CDH12: variants seen among roughly 807,000 people sequenced by gnomAD.
CDH12 encodes cadherin 12.
In CDH12, 41 loss-of-function variants were observed where a neutral mutation model predicts 74.1. The observed-to-expected ratio is 0.55, with a 90% CI of 0.43 to 0.72. The LOEUF is 0.72. Ranked by LOEUF, CDH12 falls within the 30% of genes least tolerant of loss-of-function variation. The pLI, the probability that CDH12 is intolerant of heterozygous loss-of-function variation, is 0.00. For synonymous variants in CDH12, 399 were observed against 355.0 expected, an observed-to-expected ratio of 1.12 and a Z score of -1.39; for missense variants, 945 against 977.2, an observed-to-expected ratio of 0.97 and a Z score of 0.44.
At chr5:21,964,121 C>T (rs1039649261) in intron 6 of CDH12, among the ~76,000 whole-genome samples, 1 of 151,908 alleles carries the variant, frequency 6.6e-6, no homozygotes, top group African/African-American at 2.4e-5. Flanking sequence ...TATTTAAATG[C>T]CCTTCTTAGG....
At chr5:22,168,620 G>A (rs143003082) in intron 4 of CDH12, among the ~76,000 whole-genome samples, 68 of 152,016 alleles carry the variant, frequency 4.5e-4, no homozygotes, top group African/African-American at 1.5e-3. Context: ...AGCACAATTC[G>A]GATTTTGTTT....
chr5:22,154,619 CAT>C (rs981748370), intron 4 of CDH12, among the ~76,000 whole-genome samples: 35 of 149,334 alleles, frequency 2.3e-4, no homozygotes, highest in Admixed American at 1.1e-3. Context: ...TATATGTACA[CAT>C]ATATATACAC....
intron 4 of CDH12, among the ~76,000 whole-genome samples, chr5:22,100,025 C>T (rs951535896): frequency 1.1e-4 from 16 of 152,254 alleles, no homozygotes; most frequent in African/African-American, 3.8e-4. Context: ...CCGCTCGAAG[C>T]AGCCCTGAGA....
In CDH12 at chr5:21,930,264, T is replaced by G. The variant is rs139180802; in HGVS notation, c.526+44827A>C. Among the ~76,000 whole-genome samples, 1,320 of 152,318 alleles carry G rather than the reference T, an allele frequency of 8.7e-3. 20 individuals carry two copies. The highest frequency in any genetic ancestry group is 0.03 in the African/African-American group (1,243 of 41,572). On this transcript the variant is annotated intron_variant, in intron 6 of 14. Transcript: ENST00000382254. Reference sequence around the variant, plus strand: ...TCTGAGAGGAAATGATGTTGCCATGTTTAACTGCTTGACACATGCCAGATT... The same window carrying G: ...TCTGAGAGGAAATGATGTTGCCATGGTTAACTGCTTGACACATGCCAGATT...
chr5:22,640,749 T>G (rs996335913), intron 1 of CDH12, among the ~76,000 whole-genome samples: 1 of 152,206 alleles, frequency 6.6e-6, no homozygotes, highest in African/African-American at 2.4e-5. Context: ...GAGCACAACA[T>G]GCAAAACCCA....
intron 10 of CDH12, among the ~76,000 whole-genome samples, chr5:21,795,743 G>C (rs1465439564): frequency 6.6e-6 from 1 of 151,926 alleles, no homozygotes; most frequent in Non-Finnish European, 1.5e-5. Context: ...TCACATGATA[G>C]CTGGGCCTCT....
chr5:22,331,046 C>A (rs1405880173), intron 3 of CDH12, among the ~76,000 whole-genome samples: 2 of 152,036 alleles, frequency 1.3e-5, no homozygotes, highest in East Asian at 3.9e-4. Flanking sequence ...TTGGTGGTGG[C>A]CACAAGGAGA....
chr5:22,208,131 C>T (rs4292423), intron 4 of CDH12, among the ~76,000 whole-genome samples: 111,204 of 152,114 alleles, frequency 0.73, 41,640 homozygotes, highest in East Asian at 0.87. Flanking sequence ...ACCTAGAACA[C>T]GTACAGCCAC....
chr5:21,954,157 T>C (rs1258828177), intron 6 of CDH12, among the ~76,000 whole-genome samples: 1 of 152,144 alleles, frequency 6.6e-6, no homozygotes, highest in Non-Finnish European at 1.5e-5. Context: ...ATTATGACTA[T>C]TTTCATTGCT....
At chr5:21,900,271 TAAAG>T (rs1297378177) in intron 6 of CDH12, among the ~76,000 whole-genome samples, 1 of 151,858 alleles carries the variant, frequency 6.6e-6, no homozygotes, top group Non-Finnish European at 1.5e-5. Flanking sequence ...AGGGAGGCAA[TAAAG>T]AAAGGAAGGA....
intron 4 of CDH12, among the ~76,000 whole-genome samples, chr5:22,091,828 T>A (rs1453215672): frequency 6.6e-6 from 1 of 151,858 alleles, no homozygotes. Flanking sequence ...GCAATAAGCA[T>A]GACAATGTGG....
At chr5:22,509,980 C>T (rs1020470668) in intron 1 of CDH12, among the ~76,000 whole-genome samples, 3 of 151,160 alleles carry the variant, frequency 2.0e-5, no homozygotes, top group African/African-American at 7.3e-5. Context: ...TCTTTCACAA[C>T]GTAAGACCCT....
intron 4 of CDH12, among the ~76,000 whole-genome samples, chr5:22,170,581 T>TCTTATATATAA (rs1291405735): frequency 1.5e-3 from 220 of 150,160 alleles, no homozygotes; most frequent in African/African-American, 3.3e-3. Context: ...TATATAAGCT[T>TCTTATATATAA]CTTATATATA....
At chr5:22,639,029 C>CGTCA (rs1738991164) in intron 1 of CDH12, 1 of 119,140 alleles carries the variant, frequency 8.4e-6, no homozygotes, top group Non-Finnish European at 1.6e-5. Flanking sequence ...CCAGCGTGGG[C>CGTCA]GTCAGAGTGA....
intron 9 of CDH12, among the ~76,000 whole-genome samples, chr5:21,803,953 A>G (rs1055731999): frequency 6.6e-6 from 1 of 152,212 alleles, no homozygotes; most frequent in Non-Finnish European, 1.5e-5. Context: ...GGAATTTATT[A>G]TAACAAAACA....
intron 5 of CDH12, among the ~76,000 whole-genome samples, chr5:21,983,332 A>G (rs1320535203): frequency 6.6e-5 from 10 of 152,146 alleles, no homozygotes; most frequent in Admixed American, 2.0e-4. Flanking sequence ...TATCTTCTAG[A>G]AACCAAGAGT....
rs1348344180 is a variant in CDH12 at position 22,772,731 on chromosome 5, A to ATCC, written c.-523+80324_-523+80326dup. Among the ~76,000 whole-genome samples the ATCC allele has an allele frequency of 2.0e-4, 30 of 152,198 alleles. No individual in the cohort carries two copies. The East Asian group carries it at 5.8e-3, about 29-fold the overall frequency. On this transcript the variant is annotated intron_variant, in intron 1 of 14. Transcript: ENST00000382254. ...AAACCATGCCTGATTTGTATGCAGGATCCACAGTCAGTGTATTTGTATAAG... is the reference window on the plus strand; with the variant it reads ...AAACCATGCCTGATTTGTATGCAGGATCCTCCACAGTCAGTGTATTTGTATAAG...
chr5:22,537,058 C>T (rs2126713449), intron 1 of CDH12, among the ~76,000 whole-genome samples: 1 of 152,252 alleles, frequency 6.6e-6, no homozygotes, highest in African/African-American at 2.4e-5. Flanking sequence ...AAATAAGCAC[C>T]TTTTATTATG....
intron 1 of CDH12, among the ~76,000 whole-genome samples, chr5:22,624,569 T>A (rs1168957613): frequency 1.3e-5 from 2 of 152,186 alleles, no homozygotes; most frequent in Non-Finnish European, 2.9e-5. Context: ...ATGCTCATCA[T>A]CACTGGCCAT....
Sources: gnomAD v4.1 joint callset for allele counts (sites outside exome capture counted in the v4.1 genomes callset) on GRCh38, gnomAD v4.1.1 for gene constraint, MANE v1.5 for transcripts, NCBI Gene and HGNC (gene_info 2026-07-23, HGNC 2026-07-21) for gene names.